KCNN2: variants seen among roughly 807,000 people sequenced by gnomAD.
The protein encoded by KCNN2 is small conductance calcium-activated potassium channel protein 2.
KCNN2 carries 24 observed loss-of-function variants against 55.5 expected under a neutral mutation model. The observed-to-expected ratio is 0.43, with a 90% confidence interval of 0.31 to 0.61. KCNN2 has a LOEUF of 0.61. Among genes scored for constraint, KCNN2 ranks in the 20% least tolerant of loss-of-function variants. The probability of loss-of-function intolerance (pLI) is 0.08; values close to 1 mark genes in which losing one functional copy is unlikely to be tolerated. For missense variants in KCNN2, 754 were observed against 853.6 expected, an observed-to-expected ratio of 0.88 and a Z score of 1.45; for synonymous variants, 431 against 336.1, an observed-to-expected ratio of 1.28 and a Z score of -3.09.
chr5:114,331,749 T>C (rs1020291564), intron 2 of KCNN2, among the ~76,000 whole-genome samples: 3 of 152,242 alleles, frequency 2.0e-5, no homozygotes, highest in African/African-American at 7.2e-5. Context: ...TTTCAAATTA[T>C]AAATATATCT....
chr5:114,231,771 C>T (rs1754366791), intron 2 of KCNN2, among the ~76,000 whole-genome samples: 1 of 150,906 alleles, frequency 6.6e-6, no homozygotes, highest in African/African-American at 2.5e-5. Context: ...AAAGGTAAAT[C>T]CTCCAAAACT....
At chr5:114,393,196 A>AAAT (rs1758507719) in intron 2 of KCNN2, among the ~76,000 whole-genome samples, 1 of 152,188 alleles carries the variant, frequency 6.6e-6, no homozygotes, top group South Asian at 2.1e-4. Flanking sequence ...AGAACCTTAC[A>AAAT]AATAGAAGCA....
At chr5:114,244,610 T>C (rs961812494) in intron 2 of KCNN2, among the ~76,000 whole-genome samples, 4 of 143,548 alleles carry the variant, frequency 2.8e-5, no homozygotes, top group Admixed American at 1.4e-4. Context: ...GCATGGGGGG[T>C]TATTGGGGGG....
At chr5:114,329,606 AGGT>A (rs1273830547) in intron 2 of KCNN2, among the ~76,000 whole-genome samples, 1 of 151,940 alleles carries the variant, frequency 6.6e-6, no homozygotes. Context: ...CTTAGTTTTG[AGGT>A]TTGGGGACTC....
intron 1 of KCNN2, among the ~76,000 whole-genome samples, chr5:114,206,899 T>G (rs1244315452): frequency 6.6e-6 from 1 of 152,202 alleles, no homozygotes; most frequent in Admixed American, 6.5e-5. Context: ...CCAGCCAAGC[T>G]AATCGATTGA....
intron 1 of KCNN2, among the ~76,000 whole-genome samples, chr5:114,139,234 G>A (rs958571540): frequency 5.3e-5 from 8 of 152,072 alleles, no homozygotes; most frequent in African/African-American, 1.9e-4. Context: ...CATGTGGATA[G>A]TGTTTTTTGC....
chr5:114,355,682 G>T (rs1413711832), intron 2 of KCNN2, among the ~76,000 whole-genome samples: 1 of 152,130 alleles, frequency 6.6e-6, no homozygotes, highest in Admixed American at 6.5e-5. Context: ...CAAACTGGAT[G>T]CCTGCAAGAC....
chr5:114,145,679 T>TATC (rs1218027898), intron 1 of KCNN2, among the ~76,000 whole-genome samples: 3 of 143,028 alleles, frequency 2.1e-5, no homozygotes, highest in Non-Finnish European at 4.7e-5. Flanking sequence ...ATCCAAATAC[T>TATC]ATCATTAACA....
intron 2 of KCNN2, among the ~76,000 whole-genome samples, chr5:114,315,578 A>G (rs1216936662): frequency 6.6e-6 from 1 of 151,984 alleles, no homozygotes; most frequent in African/African-American, 2.4e-5. Flanking sequence ...CTATATTTTC[A>G]CATTTCACAA....
intron 3 of KCNN2, among the ~76,000 whole-genome samples, chr5:114,426,383 G>A (rs1429152408): frequency 1.3e-5 from 2 of 152,082 alleles, no homozygotes; most frequent in African/African-American, 2.4e-5. Flanking sequence ...TGTATGTGTT[G>A]CTGAATTTGG....
At chr5:114,112,975 T>C (rs947215743) in intron 1 of KCNN2, among the ~76,000 whole-genome samples, 17 of 151,974 alleles carry the variant, frequency 1.1e-4, no homozygotes, top group Non-Finnish European at 2.2e-4. Flanking sequence ...ATAGCCAGAG[T>C]CTGAATTGCT....
chr5:114,447,622 T>C (rs1760470548), intron 3 of KCNN2, among the ~76,000 whole-genome samples: 1 of 152,218 alleles, frequency 6.6e-6, no homozygotes, highest in Non-Finnish European at 1.5e-5. Flanking sequence ...GGCTATTCTC[T>C]CTCCAAGCTT....
At chr5:114,265,707 C>A (rs193294439) in intron 2 of KCNN2, among the ~76,000 whole-genome samples, 63 of 152,288 alleles carry the variant, frequency 4.1e-4, no homozygotes, top group Middle Eastern at 3.4e-3. Flanking sequence ...CCCAAGTCAC[C>A]CGCACAGACA....
intron 1 of KCNN2, among the ~76,000 whole-genome samples, chr5:114,185,695 A>G (rs1053360115): frequency 6.6e-6 from 1 of 152,228 alleles, no homozygotes; most frequent in Non-Finnish European, 1.5e-5. Context: ...ACTAAGGAAA[A>G]TTCCTGTAAC....
rs1266857253 is a variant in KCNN2, at chr5:114,203,407, G to T, written c.-270-18073G>T. ...ATCTAAATTTCTCATTTTACTCAAA[G>T]AAAATCTTCATTTTTTTTAGATTTA... is the stretch of plus-strand genomic sequence containing the variant. On this transcript the variant is annotated intron_variant, in intron 1 of 10. Transcript: ENST00000512097. Among the ~76,000 whole-genome samples the T allele has an allele frequency of 3.3e-5, 5 of 150,978 alleles. No homozygotes were observed. The East Asian group carries it at 9.7e-4, about 29-fold the overall frequency.
intron 1 of KCNN2, among the ~76,000 whole-genome samples, chr5:114,210,798 C>T (rs1470683277): frequency 6.6e-6 from 1 of 152,148 alleles, no homozygotes; most frequent in African/African-American, 2.4e-5. Flanking sequence ...TTAGTATATA[C>T]TTGACCTCAA....
At chr5:114,364,439 GT>G (rs1757542199) in intron 2 of KCNN2, among the ~76,000 whole-genome samples, 1 of 151,978 alleles carries the variant, frequency 6.6e-6, no homozygotes, top group Non-Finnish European at 1.5e-5. Context: ...AGAAAACTGG[GT>G]GATGAGTTGC....
At chr5:114,170,862 T>C (rs1280155360) in intron 1 of KCNN2, among the ~76,000 whole-genome samples, 1 of 152,042 alleles carries the variant, frequency 6.6e-6, no homozygotes, top group Non-Finnish European at 1.5e-5. Flanking sequence ...ACTACATCAT[T>C]GTTCCCTTTT....
At chr5:114,463,725 C>G (rs1036838177) in intron 4 of KCNN2, among the ~76,000 whole-genome samples, 2 of 152,180 alleles carry the variant, frequency 1.3e-5, no homozygotes, top group African/African-American at 4.8e-5. Context: ...GGAAGACTTG[C>G]ATTTTAAAAA....
Sources: allele counts gnomAD v4.1 joint callset (sites outside exome capture counted in the v4.1 genomes callset), GRCh38; gene constraint gnomAD v4.1.1; transcripts MANE v1.5; gene names NCBI Gene and HGNC (gene_info 2026-07-23, HGNC 2026-07-21).